ALDH7A1: variants seen among roughly 807,000 people sequenced by gnomAD.
The protein encoded by ALDH7A1 is aldehyde dehydrogenase 7 family member A1.
Under a neutral mutation model 79.9 loss-of-function variants are expected in ALDH7A1, and 63 were observed. The ratio of observed to expected loss-of-function variants is 0.79; its 90% CI spans 0.64 to 0.97. ALDH7A1 has a LOEUF of 0.97. Ranked by LOEUF, ALDH7A1 falls within the 50% of genes least tolerant of loss-of-function variation. ALDH7A1 has a pLI of 0.00. For synonymous variants in ALDH7A1, 240 were observed against 231.2 expected (o/e 1.04, Z -0.34); for missense variants, 627 against 665.2 (o/e 0.94, Z 0.63).
chr5:126,557,240 T>TA (rs1750226256), intron 11 of ALDH7A1, among the ~76,000 whole-genome samples: 1 of 152,190 alleles, frequency 6.6e-6, no homozygotes, highest in Admixed American at 6.5e-5. Context: ...GTCAGCTGTG[T>TA]AAAAATAAAG....
In ALDH7A1 at chr5:126,589,548, AG is replaced by A. The variant is rs1561670728; in HGVS notation, c.312+3115del. On this transcript the variant is annotated intron_variant, in intron 3 of 17. Coordinates refer to ENST00000409134, the MANE Select transcript of ALDH7A1 (RefSeq NM_001182.5). Reference sequence around the variant, plus strand: ...GTAATCCAAACACTTTGGGAGGCCAAGGTGGGTGGATCACGAGTTCAGGAGT... The same window carrying A: ...GTAATCCAAACACTTTGGGAGGCCAAGTGGGTGGATCACGAGTTCAGGAGT... 5.3e-5 allele frequency among the ~76,000 whole-genome samples: 8 copies of A among 152,068 alleles called. No individual in the cohort carries two copies. In the South Asian group the frequency reaches 1.5e-3, roughly 28 times the overall value.
intron 1 of ALDH7A1, 68 bp downstream of exon 1, chr5:126,594,939 G>A: frequency 3.9e-6 from 6 of 1,545,614 alleles, no homozygotes; most frequent in Non-Finnish European, 5.2e-6. Context: ...GAGTCGGTAG[G>A]TCAGTGCCCG....
At chr5:126,579,654 TAA>T (rs34674137) in intron 5 of ALDH7A1, among the ~76,000 whole-genome samples, 13 of 149,388 alleles carry the variant, frequency 8.7e-5, no homozygotes, top group African/African-American at 2.4e-4. Flanking sequence ...TAAACTGCTT[TAA>T]AAAAAAAAAT....
At position 126,542,394 on chromosome 5, in the gene ALDH7A1, T is replaced by G. The variant is rs1049153288; in HGVS notation, c.*2571A>C. ...GAATTTTCCACAGAGCTGGGCATGG[T>G]GGCACACTCCTGTAATCCCAACAAC... On this transcript the variant is annotated 3_prime_UTR_variant, in exon 18 of 18. Transcript: ENST00000409134. 1.3e-5 allele frequency: 2 copies of G among 152,218 alleles called. No individual in the cohort carries two copies. Among genetic ancestry groups the G allele is most frequent in the Admixed American group, 6.6e-5 (1 of 15,254 alleles). The allele number at this position is 152,218 out of a possible 1,614,324, so 9.4% of individuals were successfully genotyped here. A position where few individuals can be genotyped will look rare whatever the true frequency, so the allele number is the denominator to read the frequency against.
chr5:126,553,361 G>GTA (rs1371821734), intron 13 of ALDH7A1: 2 of 152,130 alleles, frequency 1.3e-5, no homozygotes, highest in Non-Finnish European at 2.9e-5. Flanking sequence ...AATCTTCTCT[G>GTA]TATCTTTCCA....
At chr5:126,583,806 C>G in intron 4 of ALDH7A1, 126 bp downstream of exon 4, 1 of 778,872 alleles carries the variant, frequency 1.3e-6, no homozygotes, top group Admixed American at 2.4e-5. Context: ...TACCACTGCA[C>G]TCCAGCCTGG....
At chr5:126,592,856 G>T in intron 2 of ALDH7A1, 127 bp from the exon 3 acceptor site, 3 of 924,568 alleles carry the variant, frequency 3.2e-6, no homozygotes, top group Admixed American at 2.1e-5. Context: ...TTATGGCTGA[G>T]AATGATTCCC....
chr5:126,584,123 C>T (rs1346020269), intron 3 of ALDH7A1, 111 bp from the exon 4 acceptor site: 10 of 945,546 alleles, frequency 1.1e-5, no homozygotes, highest in Non-Finnish European at 1.7e-5. Context: ...TCAAAGAAGA[C>T]TTTTGATCAC....
intron 16 of ALDH7A1, among the ~76,000 whole-genome samples, 186 bp from the exon 17 acceptor site, chr5:126,546,585 A>G (rs1249497348): frequency 6.6e-6 from 1 of 152,136 alleles, no homozygotes; most frequent in African/African-American, 2.4e-5. Context: ...AACAAACAGA[A>G]AAAAGGAATT....
rs114385171 is a variant in ALDH7A1, at chr5:126,559,600, T to C, written c.914-266A>G. Among the ~76,000 whole-genome samples the C allele has an allele frequency of 4.4e-3, 665 of 152,184 alleles. 3 individuals are homozygous for C. Among genetic ancestry groups the C allele is most frequent in the African/African-American group, 0.015 (641 of 41,520 alleles). On this transcript the variant is annotated intron_variant, in intron 10 of 17. Coordinates refer to ENST00000409134, the MANE Select transcript of ALDH7A1 (RefSeq NM_001182.5). Reference sequence around the variant, plus strand: ...AGCATGTGCCACCACGCTTGGCTAATTTTTGTCTTTTTAGTAGCAATGGGG... The same window carrying C: ...AGCATGTGCCACCACGCTTGGCTAACTTTTGTCTTTTTAGTAGCAATGGGG...
Position 126,559,128 on chromosome 5 carries a change from A to C in ALDH7A1, c.1008+112T>G, listed in dbSNP as rs977791222. On this transcript the variant is annotated intron_variant, in intron 11 of 17. Coordinates refer to ENST00000409134, the MANE Select transcript of ALDH7A1 (RefSeq NM_001182.5). ...ACTGGACCACATATTTGCCAGCCAC[A>C]TCTAGAGAGCATGTTGTTCTAGCAG... 65 of 859,364 alleles carry C rather than the reference A, an allele frequency of 7.6e-5. 1 individual carries two copies. The South Asian group carries it at 8.6e-4, about 11-fold the overall frequency. 53.2% of individuals were successfully genotyped at this position (859,364 alleles called of 1,614,324 possible).
At chr5:126,582,232 G>C in intron 5 of ALDH7A1, 1 of 398,104 alleles carries the variant, frequency 2.5e-6, no homozygotes. Flanking sequence ...ATGGGGGTAG[G>C]AGGGAAACTT....
intron 5 of ALDH7A1, chr5:126,582,213 G>A (rs894986579): frequency 2.5e-6 from 1 of 398,252 alleles, no homozygotes; most frequent in African/African-American, 2.1e-5. Context: ...GGGGTACTAT[G>A]GCTTAGTCAT....
rs749111036 is a variant in ALDH7A1, at chr5:126,593,374, C to T, written c.223G>A (p.Glu75Lys). 1.4e-5 allele frequency: 23 copies of T among 1,612,538 alleles called. No homozygotes were observed. Among genetic ancestry groups the T allele is most frequent in the Non-Finnish European group, 1.9e-5 (23 of 1,179,864 alleles). ...ACCTGTCGGACTCTTGCTATTGGCT[C>T]GTTGTTAGCAGGGCAATAGGTCGTA... ...VITTYCPANN[E>K]PIARVRQASV... Residue 75 changes from glutamate (E) to lysine (K), a missense_variant, in exon 2 of 18, where the codon GAG becomes AAG. Coordinates refer to ENST00000409134, the MANE Select transcript of ALDH7A1 (RefSeq NM_001182.5).
intron 9 of ALDH7A1, among the ~76,000 whole-genome samples, chr5:126,566,218 T>G (rs1750578460): frequency 6.6e-6 from 1 of 152,230 alleles, no homozygotes; most frequent in Non-Finnish European, 1.5e-5. Context: ...GAAAAGGGGA[T>G]ATCTACTCAT....
intron 7 of ALDH7A1, among the ~76,000 whole-genome samples, chr5:126,573,364 C>G (rs1274895223): frequency 1.3e-5 from 2 of 151,856 alleles, no homozygotes; most frequent in South Asian, 2.1e-4. Context: ...AATTCAAGAC[C>G]AGCCTGGACA....
chr5:126,570,792 C>T lies in ALDH7A1; in HGVS notation c.763G>A (p.Ala255Thr). Residue 255 changes from alanine to threonine, a missense_variant, in exon 8 of 18, where the codon GCA becomes ACA. Ala to Thr is a moderately conservative substitution (Grantham distance 58, BLOSUM62 0). Coordinates refer to ENST00000409134, the MANE Select transcript of ALDH7A1 (RefSeq NM_001182.5). ...AGCCTAGTAACCTACCCAATATCTG[C>T]TCCACCACAAGTCAAGGAACAAATT... is the stretch of plus-strand genomic sequence containing the variant. ...GAICSLTCGG[A>T]DIGTAMAKDE... 6.2e-7 allele frequency: 1 copy of T among 1,614,000 alleles called. No individual in the cohort carries two copies. Among genetic ancestry groups the T allele is most frequent in the Non-Finnish European group, 8.5e-7 (1 of 1,179,900 alleles).
In ALDH7A1 at chr5:126,568,654, G is replaced by A. The variant is rs186597840; in HGVS notation, c.774-298C>T. 1,825 of 388,660 alleles carry A rather than the reference G, an allele frequency of 4.7e-3. 12 individuals are homozygous for A. The highest frequency in any genetic ancestry group is 7.4e-3 in the Admixed American group (206 of 27,652). The allele number at this position is 388,660 out of a possible 1,614,324, so 24.1% of individuals were successfully genotyped here. On this transcript the variant is annotated intron_variant, in intron 8 of 17. Transcript: ENST00000409134. ...TGAGTGACTGGACAATATGATCTTA[G>A]CATTTCCTTGCTGAGCATTCCAGTT...
chr5:126,549,069 A>G (rs4836274), intron 16 of ALDH7A1, among the ~76,000 whole-genome samples: 22,140 of 94,306 alleles, frequency 0.23, 2,475 homozygotes, highest in East Asian at 0.55. Context: ...GCAAGCCCCC[A>G]GCTCAAAAAA....
Sources: allele counts gnomAD v4.1 joint callset (sites outside exome capture counted in the v4.1 genomes callset), GRCh38; gene constraint gnomAD v4.1.1; transcripts MANE v1.5; gene names NCBI Gene and HGNC (gene_info 2026-07-23, HGNC 2026-07-21).